The following CLASP2 variants were observed in gnomAD, a reference collection of about 807,000 sequenced individuals.
CLASP2 encodes cytoplasmic linker associated protein 2, also known as CLIP-associating protein 2.
Under a neutral mutation model 194.4 loss-of-function variants are expected in CLASP2, and 47 were observed. The ratio of observed to expected loss-of-function variants is 0.24; its 90% confidence interval spans 0.19 to 0.31. CLASP2 has a LOEUF of 0.31. CLASP2 is among the 10% of genes least tolerant of loss of function. CLASP2 has a pLI of 1.00. For synonymous variants in CLASP2, 619 were observed against 633.5 expected (o/e 0.98, Z 0.34); for missense variants, 1,445 against 1,823.6 (o/e 0.79, Z 3.78).
rs781421640 is a variant in CLASP2, at chr3:33,688,331, TTG to T, written c.414_415del (p.His138GlnfsTer15). On this transcript the variant is annotated frameshift_variant, in exon 4 of 39. Coordinates refer to ENST00000682230, the MANE Select transcript of CLASP2 (RefSeq NM_001365631.1). LOFTEE classifies it high-confidence loss of function. ...CACGCCTTCTCGAGATCGAAAATTCTTGTGTTTAAAACCAGAAGCCAACTGCT... is the reference window on the plus strand; with the variant it reads ...CACGCCTTCTCGAGATCGAAAATTCTTGTTTAAAACCAGAAGCCAACTGCT... The T allele has an allele frequency of 1.3e-6, 2 of 1,593,450 alleles. No homozygotes were observed. The highest frequency in any genetic ancestry group is 1.1e-5 in the South Asian group (1 of 87,344).
At chr3:33,637,535 A>G (rs1575115466) in intron 8 of CLASP2, among the ~76,000 whole-genome samples, 1 of 152,172 alleles carries the variant, frequency 6.6e-6, no homozygotes, top group African/African-American at 2.4e-5. Flanking sequence ...CTCCGTATCA[A>G]ACAAAAAAAG....
At position 33,549,565 on chromosome 3, in the gene CLASP2, T is replaced by C. The variant is rs12485962; in HGVS notation, c.3153+1687A>G. Among the ~76,000 whole-genome samples the C allele has an allele frequency of 6.2e-3, 940 of 152,290 alleles. 35 individuals are homozygous for C. Among genetic ancestry groups the C allele is most frequent in the Admixed American group, 0.045 (687 of 15,294 alleles). Reference sequence around the variant, plus strand: ...TATTATTGACTCTAATTTCATTCTATTGTGGTCAGAGAACATACTGTGTAT... The same window carrying C: ...TATTATTGACTCTAATTTCATTCTACTGTGGTCAGAGAACATACTGTGTAT... On this transcript the variant is annotated intron_variant, in intron 30 of 38. Coordinates refer to ENST00000682230, the MANE Select transcript of CLASP2 (RefSeq NM_001365631.1).
intron 1 of CLASP2, among the ~76,000 whole-genome samples, chr3:33,704,873 T>C (rs1448130349): frequency 3.3e-5 from 5 of 151,996 alleles, no homozygotes; most frequent in Non-Finnish European, 1.5e-5. Flanking sequence ...ACCTCACACC[T>C]ACTAGGAAAA....
At chr3:33,539,013 A>G (rs562806574) in intron 32 of CLASP2, 71 bp from the exon 33 acceptor site, 15 of 1,100,276 alleles carry the variant, frequency 1.4e-5, no homozygotes, top group East Asian at 1.3e-4. Flanking sequence ...AGGAGATTAT[A>G]TAAGGATATT....
intron 5 of CLASP2, among the ~76,000 whole-genome samples, chr3:33,685,116 G>A (rs937180666): frequency 4.0e-5 from 6 of 151,430 alleles, no homozygotes; most frequent in South Asian, 4.2e-4. Flanking sequence ...CAAGGCTGGC[G>A]GTTCACCTGA....
In CLASP2 at chr3:33,663,658, G is replaced by T. The variant is rs1038060405; in HGVS notation, c.645-143C>A. The T allele has an allele frequency of 4.5e-5, 27 of 604,974 alleles. No individual in the cohort carries two copies. In the African/African-American group the frequency reaches 4.6e-4, roughly 10 times the overall value. The allele number at this position is 604,974 out of a possible 1,614,324, so 37.5% of individuals were successfully genotyped here. A position where few individuals can be genotyped will look rare whatever the true frequency, so the allele number is the denominator to read the frequency against. The stretch of plus-strand genomic sequence containing the variant: ...TATACAACTCTCTTTCACAATTAAC[G>T]CACTGAAAGAAGACACAAAACCCAT... On this transcript the variant is annotated intron_variant, in intron 6 of 38. Transcript: ENST00000682230.
chr3:33,717,407 C>T (rs1484973256), intron 1 of CLASP2, among the ~76,000 whole-genome samples: 1 of 152,018 alleles, frequency 6.6e-6, no homozygotes, highest in Admixed American at 6.6e-5. Flanking sequence ...GCGGGACCCC[C>T]CTGTTTCCCC....
At chr3:33,712,535 T>G (rs958021320) in intron 1 of CLASP2, among the ~76,000 whole-genome samples, 5 of 151,916 alleles carry the variant, frequency 3.3e-5, no homozygotes, top group Non-Finnish European at 5.9e-5. Context: ...AAAGAATGGA[T>G]GTAAGGATAT....
chr3:33,528,680 T>G (rs2055291842), intron 34 of CLASP2, among the ~76,000 whole-genome samples: 1 of 152,024 alleles, frequency 6.6e-6, no homozygotes, highest in Non-Finnish European at 1.5e-5. Context: ...GAGAATTGCT[T>G]GAACCCAGGA....
At chr3:33,595,424 G>C (rs941222890) in intron 19 of CLASP2, among the ~76,000 whole-genome samples, 1 of 151,998 alleles carries the variant, frequency 6.6e-6, no homozygotes, top group African/African-American at 2.4e-5. Flanking sequence ...TAAAATCTAT[G>C]ACCTAGGCCT....
chr3:33,653,490 T>C (rs1215559998), intron 7 of CLASP2, among the ~76,000 whole-genome samples: 4 of 152,102 alleles, frequency 2.6e-5, no homozygotes, highest in Non-Finnish European at 5.9e-5. Context: ...TATCAACCAA[T>C]TGCAATGGTG....
chr3:33,698,552 C>T (rs2092135017), intron 1 of CLASP2, among the ~76,000 whole-genome samples: 1 of 152,102 alleles, frequency 6.6e-6, no homozygotes, highest in Non-Finnish European at 1.5e-5. Flanking sequence ...CTCTATGAAG[C>T]ACAAGAAAAT....
chr3:33,553,109 C>G (rs930639830), intron 29 of CLASP2, among the ~76,000 whole-genome samples: 3 of 152,020 alleles, frequency 2.0e-5, no homozygotes, highest in African/African-American at 7.2e-5. Flanking sequence ...TTTTTCTTCC[C>G]TTACTATCGA....
Position 33,539,890 on chromosome 3 carries a change from A to AT in CLASP2, c.3405-949_3405-948insA, listed in dbSNP as rs1467477810. On this transcript the variant is annotated intron_variant, in intron 32 of 38. Coordinates refer to ENST00000682230, the MANE Select transcript of CLASP2 (RefSeq NM_001365631.1). The stretch of plus-strand genomic sequence containing the variant: ...TGTATTTTAACACAAATTTGTAAGA[A>AT]GATAGAGGATTTTTAATACTGAATA... 2.6e-5 allele frequency among the ~76,000 whole-genome samples: 4 copies of AT among 151,010 alleles called. No individual in the cohort carries two copies. In the Admixed American group the frequency reaches 2.7e-4, roughly 10 times the overall value.
At chr3:33,580,888 C>T (rs1338435929) in intron 23 of CLASP2, among the ~76,000 whole-genome samples, 7 of 149,346 alleles carry the variant, frequency 4.7e-5, no homozygotes, top group Non-Finnish European at 7.5e-5. Flanking sequence ...TGGTGGCAGG[C>T]GCCTGTAGTC....
chr3:33,538,694 A>T (rs2057828427), intron 33 of CLASP2, 95 bp downstream of exon 33: 4 of 1,037,904 alleles, frequency 3.9e-6, no homozygotes, highest in Middle Eastern at 3.3e-4. Flanking sequence ...TCCCTAGAAA[A>T]GTATATTCAA....
At chr3:33,596,190 AT>A (rs1161870789) in intron 19 of CLASP2, among the ~76,000 whole-genome samples, 1 of 152,106 alleles carries the variant, frequency 6.6e-6, no homozygotes, top group Admixed American at 6.5e-5. Flanking sequence ...AATCAATTGA[AT>A]ATTGAAATTA....
rs1448951033 is a variant in CLASP2, at chr3:33,604,163, C to T, written c.1741G>A (p.Ala581Thr). 1.3e-6 allele frequency: 2 copies of T among 1,558,356 alleles called. No individual in the cohort carries two copies. The highest frequency in any genetic ancestry group is 3.8e-5 in the Admixed American group (2 of 52,158). The stretch of plus-strand genomic sequence containing the variant: ...TTAAAGAGAAAATTACCTCTTCCAG[C>T]CACAGTTGATGGATTTGCTGTAGAC... Reference protein sequence around the residue: ...KWSTANPSTVAGRVSAGSSKA... With the variant: ...KWSTANPSTVTGRVSAGSSKA... The change falls in exon 17 of 39, where the codon GCT becomes ACT. Residue 581 changes from alanine to threonine, a missense_variant. Coordinates refer to ENST00000682230, the MANE Select transcript of CLASP2 (RefSeq NM_001365631.1).
chr3:33,612,189 T>C lies in CLASP2; in HGVS notation c.1318-118A>G, dbSNP rs574265706. 7 of 649,848 alleles carry C rather than the reference T, an allele frequency of 1.1e-5. No homozygotes were observed. The South Asian group carries it at 1.2e-4, about 11-fold the overall frequency. 40.3% of individuals were successfully genotyped at this position (649,848 alleles called of 1,614,324 possible). A position where few individuals can be genotyped will look rare whatever the true frequency, so the allele number is the denominator to read the frequency against. ...TACAAGAGGACAAAAAGACCAGATA[T>C]TAGATTTGAAAGAAATTAAGACCAG... On this transcript the variant is annotated intron_variant, in intron 12 of 38. Transcript: ENST00000682230.
Sources: allele counts gnomAD v4.1 joint callset (sites outside exome capture counted in the v4.1 genomes callset), GRCh38; gene constraint gnomAD v4.1.1; transcripts MANE v1.5; gene names NCBI Gene and HGNC (gene_info 2026-07-23, HGNC 2026-07-21).